Variants in CRIM1 observed in about 807,000 individuals in gnomAD.
CRIM1 encodes cysteine rich transmembrane BMP regulator 1.
A neutral mutation model predicts 116.4 loss-of-function variants in CRIM1; 32 were observed. The ratio of observed to expected loss-of-function variants is 0.27; its 90% CI spans 0.21 to 0.37. CRIM1 has a LOEUF of 0.37. CRIM1 is among the 10% of genes least tolerant of loss of function. The pLI is 1.00. For missense variants in CRIM1, 1,331 were observed against 1,354.8 expected (o/e 0.98, Z 0.28); for synonymous variants, 590 against 509.2 (o/e 1.16, Z -2.13).
At chr2:36,546,790 T>TTA (rs1553338038) in intron 15 of CRIM1, among the ~76,000 whole-genome samples, 194 bp from the exon 16 acceptor site, 7 of 130,536 alleles carry the variant, frequency 5.4e-5, no homozygotes, top group East Asian at 4.6e-4. Flanking sequence ...TTTTTTTTTT[T>TTA]AACATTCATC....
chr2:36,548,800 G>C lies in CRIM1; in HGVS notation c.*99G>C. ...GTGCACTTGCTTAGTGGATTGTATTGGATTGTGACTTGATGTACAGCGCTA... is the reference window on the plus strand; with the variant it reads ...GTGCACTTGCTTAGTGGATTGTATTCGATTGTGACTTGATGTACAGCGCTA... On this transcript the variant is annotated 3_prime_UTR_variant, in exon 17 of 17. Coordinates refer to ENST00000280527, the MANE Select transcript of CRIM1 (RefSeq NM_016441.3). 3.0e-6 allele frequency: 3 copies of C among 1,009,550 alleles called. No homozygotes were observed. The highest frequency in any genetic ancestry group is 4.4e-6 in the Non-Finnish European group (3 of 686,428). The allele number at this position is 1,009,550 out of a possible 1,614,324, so 62.5% of individuals were successfully genotyped here.
intron 11 of CRIM1, 40 bp from the exon 12 acceptor site, chr2:36,517,287 G>C (rs780370937): frequency 6.5e-7 from 1 of 1,529,958 alleles, no homozygotes; most frequent in South Asian, 1.1e-5. Context: ...TGGAAAGATT[G>C]CAGATGAATA....
chr2:36,402,629 T>C (rs1246223771), intron 2 of CRIM1, among the ~76,000 whole-genome samples: 2 of 151,504 alleles, frequency 1.3e-5, no homozygotes, highest in East Asian at 3.9e-4. Context: ...GATGTAAGAG[T>C]ATGAACAGAG....
chr2:36,516,179 A>C (rs1665019654), intron 11 of CRIM1, among the ~76,000 whole-genome samples: 1 of 152,166 alleles, frequency 6.6e-6, no homozygotes, highest in South Asian at 2.1e-4. Flanking sequence ...AGTATTGTTG[A>C]CTCTCATGCT....
At position 36,512,361 on chromosome 2, in the gene CRIM1, G is replaced by A. The variant is rs763239896; in HGVS notation, c.1747G>A (p.Asp583Asn). Residue 583 changes from aspartate to asparagine, a missense_variant, in exon 10 of 17, where the codon GAC (aspartate) becomes AAC (asparagine). Coordinates refer to ENST00000280527, the MANE Select transcript of CRIM1 (RefSeq NM_016441.3). The part of the protein sequence containing the change: ...SKICPLGFQQ[D>N]SHGCLICKCR... ...GATCTGCCCCTTGGGTTTCCAGCAG[G>A]ACAGTCACGGCTGTCTTATCTGCAA... is the stretch of plus-strand genomic sequence containing the variant. 8 of 1,613,704 alleles carry A rather than the reference G, an allele frequency of 5.0e-6. No individual in the cohort carries two copies. The Admixed American group carries it at 1.3e-4, about 27-fold the overall frequency.
chr2:36,459,755 G>A (rs910631155), intron 4 of CRIM1, among the ~76,000 whole-genome samples: 2 of 152,142 alleles, frequency 1.3e-5, no homozygotes, highest in Non-Finnish European at 2.9e-5. Context: ...GTGATAAGGG[G>A]TGGTGGCAGG....
intron 1 of CRIM1, among the ~76,000 whole-genome samples, chr2:36,365,214 C>T (rs570338807): frequency 2.0e-5 from 3 of 152,180 alleles, no homozygotes; most frequent in Non-Finnish European, 4.4e-5. Context: ...TGAACACTTG[C>T]TTGATTTTGT....
intron 2 of CRIM1, among the ~76,000 whole-genome samples, chr2:36,426,807 A>T (rs1207622746): frequency 6.6e-6 from 1 of 152,154 alleles, no homozygotes; most frequent in Non-Finnish European, 1.5e-5. Context: ...ACACATTTTT[A>T]TGTTTTTTAA....
At position 36,517,323 on chromosome 2, in the gene CRIM1, C is replaced by G; in HGVS notation, c.1991-4C>G. ...ATGTGTTCTGATTTTGTGTCATTTC[C>G]CAGATGACTTTGTGGTGCAGAAGCC... On this transcript the variant is annotated splice_region_variant and splice_polypyrimidine_tract_variant and intron_variant, in intron 11 of 16. Transcript: ENST00000280527. 1 of 1,612,138 alleles carries G rather than the reference C, an allele frequency of 6.2e-7. No homozygotes were observed. The highest frequency in any genetic ancestry group is 1.7e-5 in the Admixed American group (1 of 60,012).
At chr2:36,471,536 G>A (rs553242236) in intron 5 of CRIM1, among the ~76,000 whole-genome samples, 1 of 152,220 alleles carries the variant, frequency 6.6e-6, no homozygotes, top group Admixed American at 6.5e-5. Context: ...ATGATCGTTA[G>A]CAGTTTTTAG....
At position 36,387,837 on chromosome 2, in the gene CRIM1, T is replaced by C. The variant is rs757709008; in HGVS notation, c.332-8777T>C. ...TAATCTTTCTCAAGAACCAGTTTTT[T>C]AATTTTGTTAACTGTTTTTGTTGCT... is the stretch of plus-strand genomic sequence containing the variant. On this transcript the variant is annotated intron_variant, in intron 1 of 16. Coordinates refer to ENST00000280527, the MANE Select transcript of CRIM1 (RefSeq NM_016441.3). 1.7e-4 allele frequency among the ~76,000 whole-genome samples: 26 copies of C among 152,226 alleles called. 1 individual carries two copies. Among genetic ancestry groups the C allele is most frequent in the Admixed American group, 1.7e-3 (26 of 15,290 alleles).
chr2:36,465,190 A>C lies in CRIM1; in HGVS notation c.991+535A>C, dbSNP rs956308765. 2.0e-5 allele frequency among the ~76,000 whole-genome samples: 3 copies of C among 152,214 alleles called. No individual in the cohort carries two copies. In the South Asian group the frequency reaches 6.2e-4, roughly 31 times the overall value. ...TTGGTCACTGATAGCGGCCTGCTGT[A>C]GGCTTGACCCACGTGGCCCTGAAAA... On this transcript the variant is annotated intron_variant, in intron 5 of 16. Coordinates refer to ENST00000280527, the MANE Select transcript of CRIM1 (RefSeq NM_016441.3).
Position 36,465,200 on chromosome 2 carries a change from C to T in CRIM1, c.991+545C>T, listed in dbSNP as rs75812573. Among the ~76,000 whole-genome samples, 353 of 152,306 alleles carry T rather than the reference C, an allele frequency of 2.3e-3. 2 individuals are homozygous for T. Among genetic ancestry groups the T allele is most frequent in the African/African-American group, 8.0e-3 (333 of 41,556 alleles). ...ATAGCGGCCTGCTGTAGGCTTGACC[C>T]ACGTGGCCCTGAAAAAGGATTCTTG... On this transcript the variant is annotated intron_variant, in intron 5 of 16. Coordinates refer to ENST00000280527, the MANE Select transcript of CRIM1 (RefSeq NM_016441.3).
At chr2:36,466,137 C>T (rs189278195) in intron 5 of CRIM1, among the ~76,000 whole-genome samples, 37 of 152,190 alleles carry the variant, frequency 2.4e-4, no homozygotes, top group Non-Finnish European at 4.4e-4. Flanking sequence ...CCACCCGCCT[C>T]GGCCTCCCAA....
At chr2:36,363,947 C>T (rs1035007907) in intron 1 of CRIM1, among the ~76,000 whole-genome samples, 1 of 152,160 alleles carries the variant, frequency 6.6e-6, no homozygotes, top group African/African-American at 2.4e-5. Flanking sequence ...TTTTCTAGCT[C>T]TACCTGTTCT....
chr2:36,472,357 A>T (rs1009231559), intron 5 of CRIM1, among the ~76,000 whole-genome samples: 2 of 152,210 alleles, frequency 1.3e-5, no homozygotes, highest in Non-Finnish European at 2.9e-5. Flanking sequence ...AAGAGCCTCT[A>T]TAAATCTCTT....
intron 2 of CRIM1, among the ~76,000 whole-genome samples, chr2:36,429,029 T>C (rs1342199821): frequency 6.6e-6 from 1 of 151,960 alleles, no homozygotes; most frequent in Non-Finnish European, 1.5e-5. Context: ...CCTTCTACTT[T>C]TCCCCTCTCC....
At chr2:36,376,932 G>A (rs949350921) in intron 1 of CRIM1, among the ~76,000 whole-genome samples, 1 of 152,204 alleles carries the variant, frequency 6.6e-6, no homozygotes, top group Non-Finnish European at 1.5e-5. Flanking sequence ...CCATGTGTCT[G>A]TGTATCACTC....
intron 2 of CRIM1, among the ~76,000 whole-genome samples, chr2:36,429,510 C>G (rs951275295): frequency 1.3e-5 from 2 of 152,076 alleles, no homozygotes; most frequent in Admixed American, 1.3e-4. Context: ...GGCTCTTGTT[C>G]AGGTCCATCA....
Sources: gnomAD v4.1 joint callset for allele counts (sites outside exome capture counted in the v4.1 genomes callset) on GRCh38, gnomAD v4.1.1 for gene constraint, MANE v1.5 for transcripts, NCBI Gene and HGNC (gene_info 2026-07-23, HGNC 2026-07-21) for gene names.